Variants in SGCZ observed in about 807,000 individuals in gnomAD.
SGCZ encodes the protein sarcoglycan zeta.
SGCZ carries 40 observed loss-of-function variants against 41.3 expected under a neutral mutation model. That is an observed-to-expected ratio of 0.97 (90% CI 0.75 to 1.26). The LOEUF (loss-of-function observed/expected upper bound fraction) is 1.26, where lower values mean the gene tolerates loss of function less well. SGCZ is among the 50% of genes most tolerant of loss of function. The pLI, the probability that SGCZ is intolerant of heterozygous loss-of-function variation, is 0.00. For missense variants in SGCZ, 552 were observed against 369.8 expected (o/e 1.49, Z -4.04); for synonymous variants, 206 against 137.5 (o/e 1.50, Z -3.49).
intron 2 of SGCZ, among the ~76,000 whole-genome samples, chr8:14,385,204 G>C (rs974529102): frequency 1.3e-5 from 2 of 152,126 alleles, no homozygotes; most frequent in Non-Finnish European, 2.9e-5. Flanking sequence ...ATGGAGTTGA[G>C]AGAGATGCGC....
chr8:14,832,275 T>C (rs1030483331), intron 1 of SGCZ, among the ~76,000 whole-genome samples: 4 of 152,310 alleles, frequency 2.6e-5, no homozygotes, highest in Admixed American at 6.5e-5. Context: ...AGCTATTATG[T>C]GGTTGACCAT....
intron 1 of SGCZ, among the ~76,000 whole-genome samples, chr8:14,754,023 A>G (rs1799581736): frequency 6.6e-6 from 1 of 150,462 alleles, no homozygotes; most frequent in African/African-American, 2.4e-5. Flanking sequence ...CTCATATAGG[A>G]AAAAAAAAGT....
At chr8:14,251,235 A>G (rs1308277912) in intron 3 of SGCZ, among the ~76,000 whole-genome samples, 2 of 152,170 alleles carry the variant, frequency 1.3e-5, no homozygotes, top group Non-Finnish European at 2.9e-5. Context: ...CTCAAAAAAA[A>G]TGAAAACAAA....
chr8:14,140,849 A>T (rs1803346966), intron 5 of SGCZ, among the ~76,000 whole-genome samples: 1 of 152,198 alleles, frequency 6.6e-6, no homozygotes, highest in Non-Finnish European at 1.5e-5. Context: ...ACCAAAAAAG[A>T]GCCCGCATAG....
At chr8:15,186,374 C>T (rs1800345983) in intron 1 of SGCZ, among the ~76,000 whole-genome samples, 1 of 150,546 alleles carries the variant, frequency 6.6e-6, no homozygotes. Context: ...ATACTGGCTC[C>T]AGTCGGGTAT....
chr8:14,569,344 C>T (rs187352195), intron 1 of SGCZ, among the ~76,000 whole-genome samples: 3 of 152,248 alleles, frequency 2.0e-5, no homozygotes, highest in Admixed American at 2.0e-4. Flanking sequence ...TCACATAGAT[C>T]TCTTTGTGTG....
At chr8:14,357,992 C>T (rs10098305) in intron 2 of SGCZ, among the ~76,000 whole-genome samples, 3,991 of 152,300 alleles carry the variant, frequency 0.026, 147 homozygotes, top group African/African-American at 0.09. Flanking sequence ...CCAACATTTA[C>T]TGTGACCATA....
intron 1 of SGCZ, among the ~76,000 whole-genome samples, chr8:15,029,316 G>T (rs1232458186): frequency 1.3e-5 from 2 of 151,968 alleles, no homozygotes; most frequent in African/African-American, 4.8e-5. Context: ...AAAACCATAT[G>T]CCTGTAGGTG....
chr8:14,837,251 T>C (rs1032590498), intron 1 of SGCZ, among the ~76,000 whole-genome samples: 1 of 152,144 alleles, frequency 6.6e-6, no homozygotes, highest in Admixed American at 6.6e-5. Context: ...GGAAGGCCAT[T>C]TTGAATAGGT....
chr8:15,121,533 G>A (rs945393443), intron 1 of SGCZ, among the ~76,000 whole-genome samples: 6 of 152,284 alleles, frequency 3.9e-5, no homozygotes, highest in African/African-American at 1.4e-4. Context: ...GCTTACAGTA[G>A]TCTAGTTGTT....
chr8:14,967,435 C>A (rs7008905), intron 1 of SGCZ, among the ~76,000 whole-genome samples: 2,622 of 152,246 alleles, frequency 0.017, 84 homozygotes, highest in African/African-American at 0.06. Context: ...CAGGTGATCC[C>A]ATGCACACCT....
At chr8:14,489,581 C>T (rs986910019) in intron 2 of SGCZ, among the ~76,000 whole-genome samples, 2 of 151,720 alleles carry the variant, frequency 1.3e-5, no homozygotes, top group Non-Finnish European at 1.5e-5. Context: ...ACTTTTTAAA[C>T]GCCCAAAACA....
At chr8:14,557,997 A>G (rs962506049) in intron 1 of SGCZ, among the ~76,000 whole-genome samples, 6 of 152,146 alleles carry the variant, frequency 3.9e-5, no homozygotes, top group African/African-American at 1.4e-4. Flanking sequence ...TACACCTGAC[A>G]TCACAGAAAT....
intron 1 of SGCZ, among the ~76,000 whole-genome samples, chr8:15,086,824 C>G (rs1158260449): frequency 6.6e-6 from 1 of 152,038 alleles, no homozygotes; most frequent in Non-Finnish European, 1.5e-5. Flanking sequence ...CTGGAGTAAT[C>G]TTGATCCATT....
chr8:14,382,604 G>A (rs1804409062), intron 2 of SGCZ, among the ~76,000 whole-genome samples: 1 of 152,160 alleles, frequency 6.6e-6, no homozygotes, highest in Non-Finnish European at 1.5e-5. Context: ...CATTATTGGG[G>A]ACGTTCGAGA....
At chr8:15,176,976 G>A (rs951900208) in intron 1 of SGCZ, among the ~76,000 whole-genome samples, 1 of 152,072 alleles carries the variant, frequency 6.6e-6, no homozygotes, top group African/African-American at 2.4e-5. Context: ...ACTCCAGCCT[G>A]GGCAACAGAG....
intron 1 of SGCZ, among the ~76,000 whole-genome samples, chr8:14,992,203 T>C (rs978355086): frequency 1.3e-5 from 2 of 151,994 alleles, no homozygotes; most frequent in African/African-American, 4.8e-5. Flanking sequence ...CCTTGATATT[T>C]ACCTCTCATC....
chr8:14,652,625 C>T (rs1267221933), intron 1 of SGCZ, among the ~76,000 whole-genome samples: 1 of 151,882 alleles, frequency 6.6e-6, no homozygotes, highest in Non-Finnish European at 1.5e-5. Flanking sequence ...AGGAACTAAC[C>T]TATTAAAAGT....
intron 1 of SGCZ, among the ~76,000 whole-genome samples, chr8:15,126,595 T>C (rs1807697026): frequency 1.3e-5 from 2 of 152,158 alleles, no homozygotes; most frequent in Non-Finnish European, 1.5e-5. Flanking sequence ...ATACAAGGTC[T>C]AGCAAGGTTG....
Sources: allele counts gnomAD v4.1 joint callset (sites outside exome capture counted in the v4.1 genomes callset), GRCh38; gene constraint gnomAD v4.1.1; transcripts MANE v1.5; gene names NCBI Gene and HGNC (gene_info 2026-07-23, HGNC 2026-07-21).